Variants in PUDP observed in about 807,000 individuals in gnomAD.
PUDP encodes the protein pseudouridine 5'-phosphatase.
Under a neutral mutation model 9.4 loss-of-function variants are expected in PUDP, and 8 were observed. The ratio of observed to expected loss-of-function variants is 0.85; its 90% CI spans 0.50 to 1.53. The LOEUF is 1.53. PUDP is among the 40% of genes most tolerant of loss of function. PUDP has a pLI of 0.00. For synonymous variants in PUDP, 99 were observed against 80.7 expected (o/e 1.23, Z -1.22); for missense variants, 188 against 189.7 (o/e 0.99, Z 0.05).
intron 3 of PUDP, among the ~76,000 whole-genome samples, chrX:6,743,462 C>A (rs752052072): frequency 8.9e-6 from 1 of 112,124 alleles, no homozygotes; most frequent in South Asian, 3.7e-4. Context: ...TGAGGACTTG[C>A]ATGATTATTA....
intron 3 of PUDP, among the ~76,000 whole-genome samples, chrX:6,897,178 T>A (rs912878378): frequency 2.7e-5 from 3 of 111,475 alleles, no homozygotes; most frequent in African/African-American, 9.8e-5. Flanking sequence ...AGACAGCACA[T>A]CATAGGGAGA....
intron 3 of PUDP, among the ~76,000 whole-genome samples, chrX:6,947,086 C>T (rs774006072): frequency 1.8e-5 from 2 of 108,364 alleles, no homozygotes; most frequent in African/African-American, 3.4e-5. Flanking sequence ...CTGCAACCTC[C>T]GCCTCCTGGG....
chrX:7,126,514 G>T (rs898000597), intron 1 of PUDP, among the ~76,000 whole-genome samples: 3 of 111,950 alleles, frequency 2.7e-5, no homozygotes, highest in Non-Finnish European at 5.6e-5. Context: ...TGCAATTCTG[G>T]AGGCTGGAAG....
intron 3 of PUDP, among the ~76,000 whole-genome samples, chrX:6,774,502 C>T (rs6639665): frequency 0.48 from 53,770 of 111,196 alleles, 9,938 homozygotes; most frequent in Non-Finnish European, 0.59. Flanking sequence ...AGCAACATAA[C>T]GTTTCCTAAA....
At chrX:7,087,459 G>A (rs1013116548) in intron 2 of PUDP, among the ~76,000 whole-genome samples, 1 of 111,837 alleles carries the variant, frequency 8.9e-6, no homozygotes, top group Admixed American at 9.5e-5. Flanking sequence ...AGTTTCTGCT[G>A]CTTTAAGCCA....
intron 3 of PUDP, among the ~76,000 whole-genome samples, chrX:6,767,955 G>T (rs184145417): frequency 6.3e-5 from 7 of 111,326 alleles, no homozygotes; most frequent in Non-Finnish European, 1.3e-4. Context: ...GGTTTGCAAA[G>T]CCCTTCCAGA....
intron 3 of PUDP, among the ~76,000 whole-genome samples, chrX:6,734,533 G>C (rs1924850984): frequency 8.9e-6 from 1 of 112,039 alleles, no homozygotes; most frequent in African/African-American, 3.2e-5. Context: ...AGTGCTTTGG[G>C]AGGCCGAGGA....
intron 3 of PUDP, among the ~76,000 whole-genome samples, chrX:6,911,432 G>C (rs1927848126): frequency 9.0e-6 from 1 of 111,397 alleles, no homozygotes; most frequent in South Asian, 3.8e-4. Context: ...GACCTCAAAT[G>C]ATCCGCCCAC....
intron 3 of PUDP, among the ~76,000 whole-genome samples, chrX:6,904,867 C>A (rs1927744616): frequency 8.9e-6 from 1 of 111,943 alleles, no homozygotes; most frequent in Non-Finnish European, 1.9e-5. Context: ...CAGACACACA[C>A]ACAAGCCCTC....
At chrX:6,811,249 G>C (rs756485902) in intron 3 of PUDP, among the ~76,000 whole-genome samples, 17 of 111,224 alleles carry the variant, frequency 1.5e-4, no homozygotes, top group Non-Finnish European at 3.2e-4. Context: ...CTTGTGAACA[G>C]AGATGGAGCA....
intron 3 of PUDP, among the ~76,000 whole-genome samples, chrX:6,771,048 C>G (rs1034260705): frequency 1.8e-5 from 2 of 111,730 alleles, no homozygotes; most frequent in Admixed American, 9.5e-5. Context: ...GAGTTCTATG[C>G]AAACTCCTCA....
At chrX:6,795,229 G>A (rs1925825092) in intron 3 of PUDP, among the ~76,000 whole-genome samples, 1 of 111,248 alleles carries the variant, frequency 9.0e-6, no homozygotes, top group South Asian at 3.8e-4. Flanking sequence ...GCTCATGACT[G>A]TAATTGTATT....
At chrX:7,104,763 T>C (rs1462632217) in intron 2 of PUDP, among the ~76,000 whole-genome samples, 2 of 112,178 alleles carry the variant, frequency 1.8e-5, no homozygotes, top group East Asian at 5.6e-4. Flanking sequence ...GGTGTGTGTT[T>C]GCATGTGTGT....
At chrX:7,118,989 G>A (rs1932267985) in intron 1 of PUDP, among the ~76,000 whole-genome samples, 1 of 112,101 alleles carries the variant, frequency 8.9e-6, no homozygotes, top group African/African-American at 3.2e-5. Context: ...CTGACAAAGA[G>A]AAACCTTGCA....
At chrX:7,037,008 T>C (rs1220134122) in intron 1 of PUDP, among the ~76,000 whole-genome samples, 1 of 112,184 alleles carries the variant, frequency 8.9e-6, no homozygotes, top group Non-Finnish European at 1.9e-5. Context: ...CCGGTTCTCA[T>C]CTTCATAAAT....
At position 7,103,140 on chromosome X, in the gene PUDP, G is replaced by A. The variant is rs745614993; in HGVS notation, c.280+2480C>T. Among the ~76,000 whole-genome samples, 42 of 111,752 alleles carry A rather than the reference G, an allele frequency of 3.8e-4. No homozygotes were observed. In the South Asian group the frequency reaches 8.2e-3, roughly 22 times the overall value. On this transcript the variant is annotated intron_variant, in intron 2 of 3. Transcript: ENST00000381077. ...AACAATCTTGAAAAAGAACAAAATC[G>A]GAGGTCTCACATGTCCTGATTTCCA...
chrX:7,084,838 CGTT>C (rs1229884925), intron 2 of PUDP: 1 of 111,876 alleles, frequency 8.9e-6, no homozygotes, highest in South Asian at 3.7e-4. Flanking sequence ...CTTCAAAACA[CGTT>C]GTGTGTGATA....
intron 1 of PUDP, chrX:7,116,975 G>A (rs1387027760): frequency 4.3e-6 from 5 of 1,166,842 alleles, no homozygotes; most frequent in Non-Finnish European, 5.7e-6. Context: ...CCCGTCCACC[G>A]TGATTGTAAG....
chrX:6,842,994 A>C (rs1242603999), intron 3 of PUDP, among the ~76,000 whole-genome samples: 1 of 112,493 alleles, frequency 8.9e-6, no homozygotes, highest in Non-Finnish European at 1.9e-5. Flanking sequence ...AATCACAATC[A>C]CCCTATTGAG....
Sources: allele counts gnomAD v4.1 joint callset (sites outside exome capture counted in the v4.1 genomes callset), GRCh38; gene constraint gnomAD v4.1.1; transcripts MANE v1.5; gene names NCBI Gene and HGNC (gene_info 2026-07-23, HGNC 2026-07-21).